The following LRRTM4 variants were observed in gnomAD, a reference collection of about 807,000 sequenced individuals.
LRRTM4 encodes leucine rich repeat transmembrane neuronal 4.
LRRTM4 carries 25 observed loss-of-function variants against 47.6 expected under a neutral mutation model. That is an observed-to-expected ratio of 0.53 (90% CI 0.38 to 0.73). LRRTM4 has a LOEUF of 0.73. Among genes scored for constraint, LRRTM4 ranks in the 30% least tolerant of loss-of-function variants. The pLI is 0.00. For missense variants in LRRTM4, 638 were observed against 713.4 expected, an observed-to-expected ratio of 0.89 and a Z score of 1.20; for synonymous variants, 311 against 269.5, an observed-to-expected ratio of 1.15 and a Z score of -1.51.
chr2:77,243,410 C>CAAAATAAAAAAAAATAAAA lies in LRRTM4; in HGVS notation c.1551+274889_1551+274907dup, dbSNP rs1427099612. 6.7e-5 allele frequency among the ~76,000 whole-genome samples: 4 copies of CAAAATAAAAAAAAATAAAA among 59,826 alleles called. No homozygotes were observed. The East Asian group carries it at 9.1e-4, about 14-fold the overall frequency. 39.2% of individuals were successfully genotyped at this position (59,826 alleles called of 152,430 possible). A position where few individuals can be genotyped will look rare whatever the true frequency, so the allele number is the denominator to read the frequency against. ...GGGCAACGAGAGCGAAACTCCGTCTCAAAATAAAAAAAAATAAAAAAAATA... is the reference window on the plus strand; with the variant it reads ...GGGCAACGAGAGCGAAACTCCGTCTCAAAATAAAAAAAAATAAAAAAAATAAAAAAAAATAAAAAAAATA... On this transcript the variant is annotated intron_variant, in intron 3 of 3. Coordinates refer to ENST00000409884, the MANE Select transcript of LRRTM4 (RefSeq NM_001134745.3).
intron 3 of LRRTM4, among the ~76,000 whole-genome samples, chr2:77,212,292 G>C (rs933419204): frequency 6.6e-6 from 1 of 150,954 alleles, no homozygotes; most frequent in Admixed American, 6.6e-5. Context: ...ATAGAATTTT[G>C]GAACTATTAC....
At chr2:77,189,656 T>G (rs773877902) in intron 3 of LRRTM4, among the ~76,000 whole-genome samples, 43 of 152,142 alleles carry the variant, frequency 2.8e-4, no homozygotes, top group Non-Finnish European at 1.2e-4. Context: ...CTTCCAGTCT[T>G]CAGAACTGTG....
At chr2:77,088,140 T>C (rs1462133693) in intron 3 of LRRTM4, among the ~76,000 whole-genome samples, 1 of 152,188 alleles carries the variant, frequency 6.6e-6, no homozygotes, top group East Asian at 1.9e-4. Flanking sequence ...AGATAATTTA[T>C]TTTGATTACT....
intron 3 of LRRTM4, among the ~76,000 whole-genome samples, chr2:77,307,412 T>C (rs1307728008): frequency 4.6e-5 from 7 of 150,746 alleles, no homozygotes; most frequent in African/African-American, 1.7e-4. Flanking sequence ...TTTTTTCCTG[T>C]ATATGATATG....
intron 3 of LRRTM4, among the ~76,000 whole-genome samples, chr2:77,333,542 A>C (rs1671046660): frequency 6.6e-6 from 1 of 152,196 alleles, no homozygotes; most frequent in South Asian, 2.1e-4. Flanking sequence ...TGCAAGCCCC[A>C]AGCCTTGGCA....
intron 3 of LRRTM4, among the ~76,000 whole-genome samples, chr2:77,219,837 C>A (rs761361972): frequency 6.6e-6 from 1 of 152,188 alleles, no homozygotes; most frequent in Non-Finnish European, 1.5e-5. Context: ...ATGTCCCTGT[C>A]TGACAGCTTT....
chr2:77,461,394 G>A (rs1573446779), intron 3 of LRRTM4, among the ~76,000 whole-genome samples: 3 of 152,142 alleles, frequency 2.0e-5, no homozygotes, highest in Admixed American at 2.0e-4. Flanking sequence ...GCTCATTTGA[G>A]TGCTGGTTAA....
chr2:76,890,152 C>T (rs971271682), intron 3 of LRRTM4, among the ~76,000 whole-genome samples: 6 of 151,946 alleles, frequency 3.9e-5, no homozygotes, highest in African/African-American at 1.4e-4. Context: ...ATCACCCATG[C>T]ATAGCAACCC....
At chr2:76,783,821 G>C (rs189291746) in intron 3 of LRRTM4, among the ~76,000 whole-genome samples, 1 of 151,996 alleles carries the variant, frequency 6.6e-6, no homozygotes, top group Admixed American at 6.6e-5. Context: ...CAGCAGTGCC[G>C]TATATTTTAA....
At position 77,068,725 on chromosome 2, in the gene LRRTM4, G is replaced by A. The variant is rs138263022; in HGVS notation, c.1552-319809C>T. Among the ~76,000 whole-genome samples the A allele has an allele frequency of 1.2e-3, 180 of 152,334 alleles. 1 individual carries two copies. Among genetic ancestry groups the A allele is most frequent in the African/African-American group, 3.9e-3 (163 of 41,580 alleles). On this transcript the variant is annotated intron_variant, in intron 3 of 3. Transcript: ENST00000409884. ...GCTGTTATTCAGTTGATTGACATTT[G>A]AGGTGTGTTGGGAACAGGCCCCCCA...
At position 76,832,147 on chromosome 2, in the gene LRRTM4, C is replaced by T. The variant is rs989583855; in HGVS notation, c.1552-83231G>A. The stretch of plus-strand genomic sequence containing the variant: ...TGGCAGGAACAAATTAGTTTTGATA[C>T]TTAGAGATGTCTGTATTTTATTTTA... On this transcript the variant is annotated intron_variant, in intron 3 of 3. Coordinates refer to ENST00000409884, the MANE Select transcript of LRRTM4 (RefSeq NM_001134745.3). Among the ~76,000 whole-genome samples the T allele has an allele frequency of 4.6e-5, 7 of 152,154 alleles. 1 individual carries two copies. Among genetic ancestry groups the T allele is most frequent in the African/African-American group, 1.7e-4 (7 of 41,528 alleles).
At chr2:77,251,867 T>C (rs1215006096) in intron 3 of LRRTM4, among the ~76,000 whole-genome samples, 1 of 152,174 alleles carries the variant, frequency 6.6e-6, no homozygotes, top group East Asian at 1.9e-4. Context: ...TTTGTCTTCC[T>C]GAGATTGATG....
rs114896389 is a variant in LRRTM4, at chr2:77,428,307, C to T, written c.1551+90011G>A. 5.3e-3 allele frequency among the ~76,000 whole-genome samples: 801 copies of T among 152,254 alleles called. 7 individuals carry two copies. The highest frequency in any genetic ancestry group is 0.018 in the African/African-American group (760 of 41,540). ...AGACATTAAAAATGCCCACATTCCT[C>T]GTCCAATAACCACATCAACAGTAGA... On this transcript the variant is annotated intron_variant, in intron 3 of 3. Transcript: ENST00000409884.
At position 77,101,510 on chromosome 2, in the gene LRRTM4, T is replaced by C. The variant is rs561846495; in HGVS notation, c.1552-352594A>G. Reference sequence around the variant, plus strand: ...CCAAGCAATATATCCAAATATGGCATTTCCTGCACCTCCACCTGACACCTG... The same window carrying C: ...CCAAGCAATATATCCAAATATGGCACTTCCTGCACCTCCACCTGACACCTG... On this transcript the variant is annotated intron_variant, in intron 3 of 3. Transcript: ENST00000409884. Among the ~76,000 whole-genome samples, 23 of 152,316 alleles carry C rather than the reference T, an allele frequency of 1.5e-4. No individual in the cohort carries two copies. In the East Asian group the frequency reaches 4.3e-3, roughly 28 times the overall value.
chr2:77,116,208 T>A (rs2103946023), intron 3 of LRRTM4, among the ~76,000 whole-genome samples: 1 of 152,188 alleles, frequency 6.6e-6, no homozygotes, highest in South Asian at 2.1e-4. Context: ...ATATACTGAA[T>A]TCTGAATGAA....
chr2:77,297,008 C>T (rs1423777851), intron 3 of LRRTM4, among the ~76,000 whole-genome samples: 1 of 152,194 alleles, frequency 6.6e-6, no homozygotes, highest in African/African-American at 2.4e-5. Context: ...CTCATCATGG[C>T]TCCCTGGGGT....
intron 3 of LRRTM4, among the ~76,000 whole-genome samples, chr2:76,797,593 A>G (rs559804161): frequency 6.6e-6 from 1 of 151,974 alleles, no homozygotes; most frequent in South Asian, 2.1e-4. Context: ...TCATAATGAC[A>G]GGATCAAATT....
At chr2:77,403,248 C>T (rs1674033332) in intron 3 of LRRTM4, among the ~76,000 whole-genome samples, 1 of 151,940 alleles carries the variant, frequency 6.6e-6, no homozygotes, top group Non-Finnish European at 1.5e-5. Flanking sequence ...TTTCCCACTG[C>T]CATCACCCGC....
intron 3 of LRRTM4, among the ~76,000 whole-genome samples, chr2:77,327,824 A>C (rs1670833800): frequency 6.6e-6 from 1 of 152,158 alleles, no homozygotes; most frequent in Admixed American, 6.6e-5. Context: ...AAGGAAGAAA[A>C]ACAGAATGAA....
Sources: gnomAD v4.1 joint callset for allele counts (sites outside exome capture counted in the v4.1 genomes callset) on GRCh38, gnomAD v4.1.1 for gene constraint, MANE v1.5 for transcripts, NCBI Gene and HGNC (gene_info 2026-07-23, HGNC 2026-07-21) for gene names.